ATXN7L1: variants seen among roughly 807,000 people sequenced by gnomAD.
The protein encoded by ATXN7L1 is ataxin-7-like protein 1.
Under a neutral mutation model 70.8 loss-of-function variants are expected in ATXN7L1, and 15 were observed. The observed-to-expected ratio is 0.21, with a 90% CI of 0.14 to 0.33. The LOEUF (loss-of-function observed/expected upper bound fraction) is 0.33, where lower values mean the gene tolerates loss of function less well. Among genes scored for constraint, ATXN7L1 ranks in the 10% least tolerant of loss-of-function variants. The pLI, the probability that ATXN7L1 is intolerant of heterozygous loss-of-function variation, is 1.00. For synonymous variants in ATXN7L1, 440 were observed against 445.1 expected, an observed-to-expected ratio of 0.99 and a Z score of 0.14; for missense variants, 975 against 1,097.1, an observed-to-expected ratio of 0.89 and a Z score of 1.57.
chr7:105,735,398 C>G (rs1298208425), intron 3 of ATXN7L1, among the ~76,000 whole-genome samples: 1 of 152,234 alleles, frequency 6.6e-6, no homozygotes, highest in Middle Eastern at 3.4e-3. Flanking sequence ...TGTTGTCTTT[C>G]TCTTGTATTA....
intron 3 of ATXN7L1, chr7:105,678,157 A>C (rs1406100419): frequency 2.9e-6 from 1 of 347,182 alleles, no homozygotes; most frequent in Non-Finnish European, 4.0e-6. Context: ...AAAAGGTCTG[A>C]GTTATTTTGG....
intron 11 of ATXN7L1, 27 bp downstream of exon 11, chr7:105,610,502 G>GGCGCCC: frequency 6.6e-7 from 1 of 1,525,650 alleles, no homozygotes; most frequent in Non-Finnish European, 8.9e-7. Flanking sequence ...ATGAATTTTT[G>GGCGCCC]CCCCACCCCC....
intron 7 of ATXN7L1, 94 bp downstream of exon 7, chr7:105,638,259 C>T (rs1460050555): frequency 7.1e-7 from 1 of 1,407,750 alleles, no homozygotes; most frequent in African/African-American, 1.5e-5. Context: ...ATTATGATTT[C>T]CATTTAACAT....
At chr7:105,818,420 T>C (rs1809526819) in intron 2 of ATXN7L1, among the ~76,000 whole-genome samples, 1 of 152,196 alleles carries the variant, frequency 6.6e-6, no homozygotes, top group African/African-American at 2.4e-5. Flanking sequence ...CCTCCCAAAG[T>C]GCTGGGATTA....
rs1302454112 is a variant in ATXN7L1, at chr7:105,606,802, A to T, written c.*1050T>A. The T allele has an allele frequency of 1.3e-5, 2 of 152,154 alleles. No individual in the cohort carries two copies. Among genetic ancestry groups the T allele is most frequent in the Non-Finnish European group, 2.9e-5 (2 of 68,030 alleles). The allele number at this position is 152,154 out of a possible 1,614,324, so 9.4% of individuals were successfully genotyped here. On this transcript the variant is annotated 3_prime_UTR_variant, in exon 12 of 12. Coordinates refer to ENST00000419735, the MANE Select transcript of ATXN7L1 (RefSeq NM_020725.2). ...GGGTGGGTGGGAAATGCTATTATTT[A>T]TTCTGACAAAAGGTTTGACACATAC...
chr7:105,764,412 A>T (rs1261769237), intron 3 of ATXN7L1, among the ~76,000 whole-genome samples: 1 of 152,174 alleles, frequency 6.6e-6, no homozygotes, highest in Middle Eastern at 3.2e-3. Context: ...GACCTGCTAG[A>T]AATGCACATT....
chr7:105,734,636 G>GTTT (rs59456850), intron 3 of ATXN7L1, among the ~76,000 whole-genome samples: 2 of 142,016 alleles, frequency 1.4e-5, no homozygotes, highest in Admixed American at 7.1e-5. Context: ...CTCCTTTCAT[G>GTTT]TTTTTTTTTT....
chr7:105,609,403 G>A (rs749503293), intron 11 of ATXN7L1, among the ~76,000 whole-genome samples: 24 of 152,204 alleles, frequency 1.6e-4, no homozygotes, highest in African/African-American at 3.1e-4. Context: ...TCCTGACCTC[G>A]TGATCTGCCT....
Position 105,624,101 on chromosome 7 carries a change from A to G in ATXN7L1, c.1369T>C (p.Ser457Pro). Residue 457 changes from serine (S) to proline (P), a missense_variant, in exon 8 of 12, where the codon TCC (serine) becomes CCC (proline). This residue lies in a region of ATXN7L1 where 635 missense variants were observed against 699.4 expected (regional missense o/e 0.91). Transcript: ENST00000419735. ...DESEKLDCQF[S>P]THHPRPLAFC... ...GCCAGAGGTCTGGGGTGGTGCGTGG[A>G]GAACTGACAGTCTAGCTTCTCGGAT... The G allele has an allele frequency of 6.7e-7, 1 of 1,500,218 alleles. No individual in the cohort carries two copies. Among genetic ancestry groups the G allele is most frequent in the Non-Finnish European group, 9.0e-7 (1 of 1,117,290 alleles). 92.9% of individuals were successfully genotyped at this position (1,500,218 alleles called of 1,614,324 possible).
intron 3 of ATXN7L1, among the ~76,000 whole-genome samples, chr7:105,750,468 G>T (rs1220163885): frequency 6.6e-6 from 1 of 151,686 alleles, no homozygotes; most frequent in African/African-American, 2.4e-5. Context: ...TAGAGACAAG[G>T]TCTGCTATGT....
intron 3 of ATXN7L1, among the ~76,000 whole-genome samples, chr7:105,688,798 A>G (rs901208142): frequency 1.3e-5 from 2 of 152,240 alleles, no homozygotes; most frequent in African/African-American, 4.8e-5. Context: ...GAAGTAGTCT[A>G]CAAGTACACG....
intron 3 of ATXN7L1, among the ~76,000 whole-genome samples, chr7:105,692,372 TC>T (rs35401011): frequency 1.1e-3 from 57 of 49,832 alleles, no homozygotes; most frequent in African/African-American, 3.4e-3. Context: ...TTTCTTTCTT[TC>T]CTTCCTTCCT....
chr7:105,658,589 G>A (rs935790738), intron 4 of ATXN7L1, among the ~76,000 whole-genome samples: 2 of 136,248 alleles, frequency 1.5e-5, no homozygotes, highest in Non-Finnish European at 3.1e-5. Flanking sequence ...GGAGTGCAGT[G>A]CCAGGATCTT....
At chr7:105,863,824 G>A (rs1816984716) in intron 2 of ATXN7L1, among the ~76,000 whole-genome samples, 1 of 152,114 alleles carries the variant, frequency 6.6e-6, no homozygotes, top group Non-Finnish European at 1.5e-5. Context: ...CCTAGTTAAT[G>A]CCCAATAAAA....
intron 3 of ATXN7L1, among the ~76,000 whole-genome samples, chr7:105,675,156 T>C (rs564452062): frequency 1.6e-4 from 16 of 100,538 alleles, no homozygotes; most frequent in African/African-American, 5.6e-4. Context: ...TTTACTACAG[T>C]TAAAAAAAAA....
At chr7:105,727,862 T>C (rs1796097188) in intron 3 of ATXN7L1, among the ~76,000 whole-genome samples, 1 of 148,136 alleles carries the variant, frequency 6.8e-6, no homozygotes, top group African/African-American at 2.5e-5. Context: ...TCCATATATA[T>C]ATATATGCAA....
intron 4 of ATXN7L1, among the ~76,000 whole-genome samples, chr7:105,655,318 C>T (rs1210835033): frequency 1.3e-5 from 2 of 152,190 alleles, no homozygotes; most frequent in African/African-American, 4.8e-5. Flanking sequence ...TCTACCTTCC[C>T]ACCCTCTCTT....
rs1363489234 is a variant in ATXN7L1, at chr7:105,614,126, C to T, written c.2208G>A (p.Val736=). ...PADIVRQVGA[V]GGSSDSCPLS... is the part of the protein sequence containing the mutation. Reference sequence around the variant, plus strand: ...GGGGACAGGAGTCACTGCTGCCTCCCACCGCGCCCACCTGTCTCACTATGT... The same window carrying T: ...GGGGACAGGAGTCACTGCTGCCTCCTACCGCGCCCACCTGTCTCACTATGT... Residue 736 remains valine (V), a synonymous_variant, in exon 10 of 12, where the codon GTG becomes GTA. Coordinates refer to ENST00000419735, the MANE Select transcript of ATXN7L1 (RefSeq NM_020725.2). This position sits in a 1 kb window ranked among gnomAD's most constrained non-coding sequence, Gnocchi z 4.3. 9 of 1,551,492 alleles carry T rather than the reference C, an allele frequency of 5.8e-6. No homozygotes were observed. The African/African-American group carries it at 1.2e-4, about 21-fold the overall frequency.
chr7:105,829,396 T>C (rs1281576617), intron 2 of ATXN7L1, among the ~76,000 whole-genome samples: 3 of 152,130 alleles, frequency 2.0e-5, no homozygotes, highest in Non-Finnish European at 4.4e-5. Context: ...TGAGCCGAGA[T>C]CAGGCCATTG....
Sources: allele counts gnomAD v4.1 joint callset (sites outside exome capture counted in the v4.1 genomes callset), GRCh38; gene constraint gnomAD v4.1.1; regional missense constraint gnomAD v4.1.1; non-coding constraint Gnocchi (gnomAD v3.1); transcripts MANE v1.5; gene names NCBI Gene and HGNC (gene_info 2026-07-23, HGNC 2026-07-21).